PVT1: variants seen among roughly 807,000 people sequenced by gnomAD.
PVT1 encodes the protein CXCR4/PVT1 fusion.
intron 4 of PVT1, among the ~76,000 whole-genome samples, chr8:128,062,024 A>G (rs1813837822): frequency 1.3e-5 from 2 of 152,258 alleles, no homozygotes; most frequent in Admixed American, 6.5e-5. Context: ...AGTGCCTGGC[A>G]GGCAAGGCCA....
intron 4 of PVT1, among the ~76,000 whole-genome samples, chr8:128,034,994 A>G (rs1206193408): frequency 6.6e-6 from 1 of 152,246 alleles, no homozygotes; most frequent in East Asian, 1.9e-4. Context: ...AGCAGTAGCT[A>G]TTATGGCTAT....
chr8:127,875,644 C>A (rs1321072168), intron 2 of PVT1, among the ~76,000 whole-genome samples: 3 of 152,296 alleles, frequency 2.0e-5, no homozygotes, highest in South Asian at 2.1e-4. Context: ...TCCTCATTTT[C>A]TTTTCTCTGA....
chr8:127,822,155 C>T (rs1410711302), intron 2 of PVT1, among the ~76,000 whole-genome samples: 3 of 152,190 alleles, frequency 2.0e-5, no homozygotes, highest in Non-Finnish European at 4.4e-5. Flanking sequence ...TAGTGTCTGG[C>T]CCGTTTTAAG....
At chr8:127,859,639 C>T (rs73355271) in intron 2 of PVT1, among the ~76,000 whole-genome samples, 473 of 152,178 alleles carry the variant, frequency 3.1e-3, no homozygotes, top group African/African-American at 0.011. Context: ...TGTGGAATCC[C>T]GTCATGGCTT....
At chr8:128,068,332 T>C (rs2648884) in intron 4 of PVT1, among the ~76,000 whole-genome samples, 35,994 of 151,888 alleles carry the variant, frequency 0.24, 4,479 homozygotes, top group East Asian at 0.38. Context: ...TGCAGAAAAC[T>C]CACTTTAACA....
At chr8:127,931,197 C>T (rs1339615196) in intron 3 of PVT1, among the ~76,000 whole-genome samples, 10 of 152,172 alleles carry the variant, frequency 6.6e-5, no homozygotes, top group Non-Finnish European at 1.5e-4. Flanking sequence ...TGAGCCACTG[C>T]ACCTGGCCAA....
At chr8:127,896,098 G>A (rs113221577) in intron 3 of PVT1, among the ~76,000 whole-genome samples, 12 of 152,294 alleles carry the variant, frequency 7.9e-5, no homozygotes, top group South Asian at 2.1e-4. Context: ...CAGTATATGC[G>A]CAGTGCTTTC....
At chr8:128,067,101 G>A (rs921196213) in intron 4 of PVT1, among the ~76,000 whole-genome samples, 1 of 152,126 alleles carries the variant, frequency 6.6e-6, no homozygotes, top group Non-Finnish European at 1.5e-5. Context: ...ACCACACAGT[G>A]CCCACACTCA....
chr8:127,880,354 G>A (rs976592150), intron 2 of PVT1, among the ~76,000 whole-genome samples: 14 of 152,160 alleles, frequency 9.2e-5, no homozygotes, highest in Middle Eastern at 6.8e-3. Flanking sequence ...GCAGTGGCAT[G>A]ATCTTGGCTC....
At chr8:128,084,553 G>T (rs546713972) in intron 5 of PVT1, among the ~76,000 whole-genome samples, 11 of 152,208 alleles carry the variant, frequency 7.2e-5, no homozygotes, top group African/African-American at 2.6e-4. Flanking sequence ...CAAAATGTAA[G>T]CCAAGTGAAG....
At chr8:127,865,364 G>T (rs971711400) in intron 2 of PVT1, among the ~76,000 whole-genome samples, 1 of 152,128 alleles carries the variant, frequency 6.6e-6, no homozygotes. Flanking sequence ...CCTGATCTCT[G>T]GAACATGGGG....
chr8:128,010,823 C>A (rs1817306135), intron 4 of PVT1, among the ~76,000 whole-genome samples: 1 of 152,182 alleles, frequency 6.6e-6, no homozygotes, highest in Admixed American at 6.5e-5. Flanking sequence ...CTTGATCTCA[C>A]TACAACAGCA....
At chr8:127,954,847 T>A (rs1176796172) in intron 3 of PVT1, among the ~76,000 whole-genome samples, 2 of 152,192 alleles carry the variant, frequency 1.3e-5, no homozygotes, top group Admixed American at 1.3e-4. Flanking sequence ...GGGCCAGCGC[T>A]TTCTGTGTGC....
At chr8:127,996,653 G>GA (rs1049530106) in intron 4 of PVT1, 1 of 151,850 alleles carries the variant, frequency 6.6e-6, no homozygotes. Context: ...ACAGAATCAA[G>GA]AAAAAAAGAA....
intron 3 of PVT1, among the ~76,000 whole-genome samples, chr8:127,903,489 G>A (rs1815783956): frequency 6.6e-6 from 1 of 152,150 alleles, no homozygotes; most frequent in Admixed American, 6.5e-5. Flanking sequence ...TGAGGACTTA[G>A]CCATAAATTC....
At chr8:127,959,541 C>T (rs538414145) in intron 3 of PVT1, among the ~76,000 whole-genome samples, 43 of 143,720 alleles carry the variant, frequency 3.0e-4, no homozygotes, top group South Asian at 2.3e-4. Flanking sequence ...GCCGAGATGG[C>T]GCCACTCTAC....
At position 127,898,398 on chromosome 8, in the gene PVT1, G is replaced by A. The variant is rs1471384851; in HGVS notation, n.782+7400G>A. ...TGAGTGGTGTTTTCAGTTAAAATGA[G>A]TGGAGTAGAACCCAGAGATCAGGCT... On this transcript the variant is annotated intron_variant and non_coding_transcript_variant, in intron 3 of 10. Transcript: ENST00000651587. This position sits in a 1 kb window ranked among gnomAD's most constrained non-coding sequence, Gnocchi z 4.4. Among the ~76,000 whole-genome samples, 3 of 152,238 alleles carry A rather than the reference G, an allele frequency of 2.0e-5. No homozygotes were observed. In the East Asian group the frequency reaches 5.8e-4, roughly 29 times the overall value.
intron 4 of PVT1, among the ~76,000 whole-genome samples, chr8:128,019,991 G>A (rs953517585): frequency 5.3e-5 from 8 of 152,160 alleles, no homozygotes; most frequent in African/African-American, 1.9e-4. Flanking sequence ...TTCCATCAGA[G>A]AATCTCATTT....
At chr8:127,949,465 C>T (rs1816476735) in intron 3 of PVT1, among the ~76,000 whole-genome samples, 1 of 144,118 alleles carries the variant, frequency 6.9e-6, no homozygotes, top group Admixed American at 7.1e-5. Context: ...CCCTACCTTC[C>T]TTTTCTTCCC....
Sources: gnomAD v4.1 joint callset for allele counts (sites outside exome capture counted in the v4.1 genomes callset) on GRCh38, gnomAD v4.1.1 for gene constraint, Gnocchi (gnomAD v3.1) non-coding constraint, MANE v1.5 for transcripts, NCBI Gene and HGNC (gene_info 2026-07-23, HGNC 2026-07-21) for gene names.